The following ASIC2 variants were observed in gnomAD, a reference collection of about 807,000 sequenced individuals.
ASIC2 encodes acid-sensing ion channel 2.
ASIC2 carries 25 observed loss-of-function variants against 57.3 expected under a neutral mutation model. That is an observed-to-expected ratio of 0.44 (90% confidence interval 0.32 to 0.61). The LOEUF is 0.61. ASIC2 is among the 20% of genes least tolerant of loss of function. The pLI is 0.06. For synonymous variants in ASIC2, 319 were observed against 307.5 expected, an observed-to-expected ratio of 1.04 and a Z score of -0.39; for missense variants, 641 against 738.1, an observed-to-expected ratio of 0.87 and a Z score of 1.52.
intron 1 of ASIC2, among the ~76,000 whole-genome samples, chr17:33,581,888 A>G (rs1904453797): frequency 6.6e-6 from 1 of 152,128 alleles, no homozygotes; most frequent in Non-Finnish European, 1.5e-5. Flanking sequence ...AGCTTTAGGA[A>G]GTTGGTTTAA....
intron 1 of ASIC2, among the ~76,000 whole-genome samples, chr17:33,909,047 A>T (rs533560229): frequency 3.3e-5 from 5 of 152,184 alleles, no homozygotes; most frequent in Non-Finnish European, 5.9e-5. Context: ...GGTGGCCCTG[A>T]AGATTATGTC....
intron 1 of ASIC2, among the ~76,000 whole-genome samples, chr17:33,538,345 A>G (rs1007357147): frequency 6.6e-6 from 1 of 152,186 alleles, no homozygotes; most frequent in African/African-American, 2.4e-5. Context: ...AAGGCTCCAT[A>G]CAGACACGGC....
At chr17:33,856,854 A>G (rs1913970169) in intron 1 of ASIC2, among the ~76,000 whole-genome samples, 1 of 152,092 alleles carries the variant, frequency 6.6e-6, no homozygotes, top group Non-Finnish European at 1.5e-5. Flanking sequence ...GGACAGGGGT[A>G]GCTAGAAGGT....
chr17:33,137,861 A>G (rs1291626079), intron 1 of ASIC2, among the ~76,000 whole-genome samples: 1 of 152,138 alleles, frequency 6.6e-6, no homozygotes, highest in East Asian at 1.9e-4. Flanking sequence ...GCCCTAATCT[A>G]TTTTTCAAAT....
At chr17:34,033,304 C>T (rs1172384680) in intron 1 of ASIC2, among the ~76,000 whole-genome samples, 1 of 152,184 alleles carries the variant, frequency 6.6e-6, no homozygotes, top group Non-Finnish European at 1.5e-5. Flanking sequence ...TAAAGATGTT[C>T]TTTGAAACCA....
At chr17:33,582,693 A>C (rs1031776662) in intron 1 of ASIC2, among the ~76,000 whole-genome samples, 1 of 152,228 alleles carries the variant, frequency 6.6e-6, no homozygotes, top group African/African-American at 2.4e-5. Context: ...GATGGAATCA[A>C]AATGATCTGA....
chr17:33,654,820 T>C (rs1907028171), intron 1 of ASIC2, among the ~76,000 whole-genome samples: 1 of 151,932 alleles, frequency 6.6e-6, no homozygotes, highest in African/African-American at 2.4e-5. Context: ...ATAGAATGAG[T>C]TTTTCTTGGT....
chr17:33,605,405 A>G (rs765038009), intron 1 of ASIC2, among the ~76,000 whole-genome samples: 5 of 152,246 alleles, frequency 3.3e-5, no homozygotes, highest in African/African-American at 1.2e-4. Context: ...TCTAAATTAT[A>G]TAAATTCTGA....
intron 1 of ASIC2, among the ~76,000 whole-genome samples, chr17:33,959,074 T>C (rs938763330): frequency 6.6e-6 from 1 of 152,228 alleles, no homozygotes; most frequent in African/African-American, 2.4e-5. Context: ...CACCTCAGCC[T>C]GGACTTTATT....
chr17:34,089,016 C>T (rs1006745631), intron 1 of ASIC2, among the ~76,000 whole-genome samples: 5 of 152,230 alleles, frequency 3.3e-5, no homozygotes, highest in Non-Finnish European at 7.3e-5. Flanking sequence ...AGCCCTGCTT[C>T]GGCTCGCACA....
chr17:33,690,547 A>G (rs920855474), intron 1 of ASIC2, among the ~76,000 whole-genome samples: 5 of 152,092 alleles, frequency 3.3e-5, no homozygotes, highest in African/African-American at 4.8e-5. Context: ...CTCCATTTGC[A>G]TCTTGCTCTC....
At chr17:33,059,063 A>G (rs535524028) in intron 3 of ASIC2, among the ~76,000 whole-genome samples, 1 of 151,814 alleles carries the variant, frequency 6.6e-6, no homozygotes, top group Non-Finnish European at 1.5e-5. Context: ...TGGCTCTAAA[A>G]AAACCAAAAA....
intron 1 of ASIC2, among the ~76,000 whole-genome samples, chr17:33,870,714 C>T (rs1914382049): frequency 6.6e-6 from 1 of 152,078 alleles, no homozygotes; most frequent in African/African-American, 2.4e-5. Context: ...TTGAGGTTCA[C>T]CTGAAAGGTC....
chr17:33,138,324 A>G (rs1276861877), intron 1 of ASIC2, among the ~76,000 whole-genome samples: 3 of 152,308 alleles, frequency 2.0e-5, no homozygotes, highest in Admixed American at 1.3e-4. Context: ...AGAGAACATC[A>G]GAGCTAGAAG....
At chr17:33,622,794 T>C (rs1317089211) in intron 1 of ASIC2, among the ~76,000 whole-genome samples, 1 of 152,218 alleles carries the variant, frequency 6.6e-6, no homozygotes, top group African/African-American at 2.4e-5. Flanking sequence ...GCTGCACACA[T>C]ACTGACCATG....
chr17:33,622,625 C>T (rs1361963209), intron 1 of ASIC2, among the ~76,000 whole-genome samples: 1 of 152,084 alleles, frequency 6.6e-6, no homozygotes, highest in African/African-American at 2.4e-5. Context: ...TATCTAGGTA[C>T]ATTACTTGTT....
At chr17:33,749,176 G>A (rs1910355739) in intron 1 of ASIC2, among the ~76,000 whole-genome samples, 1 of 152,124 alleles carries the variant, frequency 6.6e-6, no homozygotes, top group Non-Finnish European at 1.5e-5. Flanking sequence ...TGGCAGGAAG[G>A]GTGGTGTGTG....
intron 1 of ASIC2, among the ~76,000 whole-genome samples, chr17:33,465,251 A>G (rs1384093214): frequency 6.6e-6 from 1 of 152,246 alleles, no homozygotes; most frequent in East Asian, 1.9e-4. Context: ...CAAATGCTGA[A>G]GTTTCCTAAT....
chr17:33,038,250 T>C (rs2091917067), intron 3 of ASIC2, among the ~76,000 whole-genome samples: 1 of 152,220 alleles, frequency 6.6e-6, no homozygotes, highest in Non-Finnish European at 1.5e-5. Flanking sequence ...TGTTTTTCTA[T>C]CCTTTCATTT....
Sources: gnomAD v4.1 joint callset for allele counts (sites outside exome capture counted in the v4.1 genomes callset) on GRCh38, gnomAD v4.1.1 for gene constraint, MANE v1.5 for transcripts, NCBI Gene and HGNC (gene_info 2026-07-23, HGNC 2026-07-21) for gene names.